Variants in TET3 observed in about 807,000 individuals in gnomAD.
The protein encoded by TET3 is methylcytosine dioxygenase TET3.
A neutral mutation model predicts 141.4 loss-of-function variants in TET3; 19 were observed. The observed-to-expected ratio is 0.13, with a 90% CI of 0.09 to 0.20. The LOEUF (loss-of-function observed/expected upper bound fraction) is 0.20, where lower values mean the gene tolerates loss of function less well. Ranked by LOEUF, TET3 falls within the 10% of genes least tolerant of loss-of-function variation. The pLI is 1.00. For synonymous variants in TET3, 1,043 were observed against 980.9 expected (o/e 1.06, Z -1.18); for missense variants, 1,874 against 2,356.9 (o/e 0.80, Z 4.24).
chr2:74,134,532 T>A, the TET3 span: 1 of 354,634 alleles, frequency 2.8e-6, no homozygotes, highest in Admixed American at 3.4e-5. Flanking sequence ...GAACCAATAG[T>A]GACCCCTAAC....
rs376689330 is a variant in TET3, at chr2:74,087,772, A to G, written c.2680-58A>G. On this transcript the variant is annotated intron_variant, in intron 6 of 11. Coordinates refer to ENST00000409262, the MANE Select transcript of TET3 (RefSeq NM_001287491.2). The surrounding 1 kb of genome is among the most constrained non-coding windows in gnomAD (Gnocchi z 4.3). ...TCTGTGTGACAAAGGGAGGGGTGGC[A>G]CCATGCAGAGGAGCACGGGTACCTG... 2.0e-4 allele frequency: 300 copies of G among 1,478,122 alleles called. 2 individuals are homozygous for G. In the East Asian group the frequency reaches 3.2e-3, roughly 16 times the overall value. The allele number at this position is 1,478,122 out of a possible 1,614,324, so 91.6% of individuals were successfully genotyped here.
At chr2:74,127,041 A>G in the TET3 span, among the ~76,000 whole-genome samples, 1 of 152,224 alleles carries the variant, frequency 6.6e-6, no homozygotes, top group African/African-American at 2.4e-5. Flanking sequence ...AGCACACACC[A>G]GAGAAGCAGC....
At chr2:74,084,767 T>C (rs1432897159) in intron 6 of TET3, among the ~76,000 whole-genome samples, 1 of 151,954 alleles carries the variant, frequency 6.6e-6, no homozygotes, top group African/African-American at 2.4e-5. Context: ...GAGACCCCGT[T>C]TCTACTAAAA....
chr2:74,114,241 G>A, the TET3 span, among the ~76,000 whole-genome samples: 6 of 152,136 alleles, frequency 3.9e-5, no homozygotes, highest in Non-Finnish European at 8.8e-5. Flanking sequence ...TGGCTTATAA[G>A]TGGGAGCTAA....
At chr2:74,068,134 A>G (rs533108843) in intron 4 of TET3, among the ~76,000 whole-genome samples, 2 of 152,158 alleles carry the variant, frequency 1.3e-5, no homozygotes, top group East Asian at 1.9e-4. Flanking sequence ...TACTTTGATC[A>G]GGTCAGGTCA....
chr2:74,043,456 C>T (rs1687452696), intron 3 of TET3, among the ~76,000 whole-genome samples: 1 of 152,116 alleles, frequency 6.6e-6, no homozygotes, highest in African/African-American at 2.4e-5. Context: ...GGGAGGGAGG[C>T]AGCTGCTTGA....
In TET3 at chr2:73,986,508, C is replaced by G; in HGVS notation, c.105C>G (p.Leu35=). ...TAGGGAGCTTCCCGGGGTCTGGGCTCTCCATGGCTGGGAGTGAGTCCCAAC... is the reference window on the plus strand; with the variant it reads ...TAGGGAGCTTCCCGGGGTCTGGGCTGTCCATGGCTGGGAGTGAGTCCCAAC... ...VMVGSFPGSG[L]SMAGSESQLR... is the part of the protein sequence containing the mutation. Residue 35 remains leucine, a synonymous_variant, in exon 2 of 12, where the codon CTC becomes CTG. Coordinates refer to ENST00000409262, the MANE Select transcript of TET3 (RefSeq NM_001287491.2). The G allele has an allele frequency of 1.6e-6, 2 of 1,232,220 alleles. No individual in the cohort carries two copies. The highest frequency in any genetic ancestry group is 4.1e-5 in the South Asian group (1 of 24,318). 76.3% of individuals were successfully genotyped at this position (1,232,220 alleles called of 1,614,324 possible).
intron 3 of TET3, among the ~76,000 whole-genome samples, chr2:74,012,522 G>T (rs1476269664): frequency 6.6e-6 from 1 of 152,188 alleles, no homozygotes. Flanking sequence ...CTTTCAGAAA[G>T]GAAACTGAGA....
At chr2:74,006,742 C>T (rs946654665) in intron 3 of TET3, among the ~76,000 whole-genome samples, 1 of 152,180 alleles carries the variant, frequency 6.6e-6, no homozygotes, top group South Asian at 2.1e-4. Flanking sequence ...GTCTCACAAT[C>T]CTCTTAAGTC....
chr2:74,123,196 G>T, the TET3 span: 1 of 152,234 alleles, frequency 6.6e-6, no homozygotes, highest in East Asian at 1.9e-4. Flanking sequence ...TGTCAACATT[G>T]ATTTGGACTA....
chr2:74,109,441 T>G (rs1691649804), downstream of TET3, among the ~76,000 whole-genome samples: 1 of 152,250 alleles, frequency 6.6e-6, no homozygotes, highest in African/African-American at 2.4e-5. Flanking sequence ...TTTATCAGTA[T>G]GCAGAATAGC....
At chr2:74,034,044 C>A (rs1354868629) in intron 3 of TET3, among the ~76,000 whole-genome samples, 1 of 151,580 alleles carries the variant, frequency 6.6e-6, no homozygotes, top group Non-Finnish European at 1.5e-5. Context: ...TGCAGTGAGC[C>A]GAGATCGTGC....
chr2:74,001,216 T>C (rs1338916627), intron 2 of TET3, among the ~76,000 whole-genome samples: 1 of 152,122 alleles, frequency 6.6e-6, no homozygotes, highest in Non-Finnish European at 1.5e-5. Context: ...TTGCTGTCTT[T>C]CCAAAGGCCG....
intron 4 of TET3, among the ~76,000 whole-genome samples, chr2:74,052,446 A>G (rs1687994398): frequency 6.6e-6 from 1 of 152,056 alleles, no homozygotes; most frequent in Non-Finnish European, 1.5e-5. Flanking sequence ...TAATATAAGG[A>G]AGAATTTTCC....
intron 4 of TET3, among the ~76,000 whole-genome samples, chr2:74,054,652 A>C (rs1688120124): frequency 6.6e-6 from 1 of 152,126 alleles, no homozygotes; most frequent in Non-Finnish European, 1.5e-5. Context: ...CATTTAGGGG[A>C]GAGGAGCTCA....
rs770968194 is a variant in TET3, at chr2:74,099,610, C to G, written c.3602C>G (p.Pro1201Arg). 10 of 1,564,238 alleles carry G rather than the reference C, an allele frequency of 6.4e-6. No homozygotes were observed. The South Asian group carries it at 8.2e-5, about 13-fold the overall frequency. ...ALELAGITSD[P>R]GLSLKGGLSQ... The stretch of plus-strand genomic sequence containing the variant: ...GAGCTGGCGGGCATTACGTCGGACC[C>G]AGGTGTGTGGGGGGAGGGTGCCCGC... The change falls in exon 11 of 12, where the codon CCA (proline) becomes CGA (arginine). Residue 1201 changes from proline (P) to arginine (R), a missense_variant and splice_region_variant. Pro to Arg is a moderately radical substitution (Grantham distance 103, BLOSUM62 -2). Coordinates refer to ENST00000409262, the MANE Select transcript of TET3 (RefSeq NM_001287491.2).
chr2:74,128,182 AT>A, the TET3 span, among the ~76,000 whole-genome samples: 2 of 149,750 alleles, frequency 1.3e-5, no homozygotes, highest in East Asian at 1.9e-4. Context: ...AACTCAAGGC[AT>A]TTTTTTTTTC....
the TET3 span, chr2:74,134,776 G>A: frequency 2.0e-5 from 9 of 456,536 alleles, no homozygotes; most frequent in Admixed American, 7.0e-5. Flanking sequence ...CCCAGACACC[G>A]TGACCACCAC....
At chr2:74,120,421 A>G in the TET3 span, among the ~76,000 whole-genome samples, 1 of 152,074 alleles carries the variant, frequency 6.6e-6, no homozygotes, top group Non-Finnish European at 1.5e-5. Flanking sequence ...TGCCGTGGCT[A>G]CGCCCCGGCC....
Sources: gnomAD v4.1 joint callset for allele counts (sites outside exome capture counted in the v4.1 genomes callset) on GRCh38, gnomAD v4.1.1 for gene constraint, Gnocchi (gnomAD v3.1) non-coding constraint, MANE v1.5 for transcripts, NCBI Gene and HGNC (gene_info 2026-07-23, HGNC 2026-07-21) for gene names.